Variants in SLIT3 observed in about 807,000 individuals in gnomAD.
SLIT3 encodes slit guidance ligand 3, also known as slit homolog 3 protein.
Under a neutral mutation model 184.0 loss-of-function variants are expected in SLIT3, and 68 were observed. The ratio of observed to expected loss-of-function variants is 0.37; its 90% confidence interval spans 0.30 to 0.45. SLIT3 has a LOEUF of 0.45. SLIT3 is among the 20% of genes least tolerant of loss of function. The pLI is 1.00. For synonymous variants in SLIT3, 831 were observed against 828.6 expected, an observed-to-expected ratio of 1.00 and a Z score of -0.05; for missense variants, 1,707 against 2,026.0, an observed-to-expected ratio of 0.84 and a Z score of 3.02.
intron 4 of SLIT3, among the ~76,000 whole-genome samples, chr5:169,009,025 T>G (rs1470449362): frequency 6.6e-6 from 1 of 152,164 alleles, no homozygotes. Context: ...GGGCTGGGAT[T>G]TGAACCAAGG....
intron 4 of SLIT3, among the ~76,000 whole-genome samples, chr5:169,009,088 A>AG (rs1271450420): frequency 1.5e-5 from 2 of 137,624 alleles, no homozygotes; most frequent in Non-Finnish European, 3.0e-5. Context: ...CCAAAATTAC[A>AG]ATTTTTTTTT....
intron 4 of SLIT3, among the ~76,000 whole-genome samples, chr5:169,175,290 A>T (rs1762945926): frequency 6.6e-6 from 1 of 152,192 alleles, no homozygotes; most frequent in Non-Finnish European, 1.5e-5. Context: ...AGGCTTAGAA[A>T]AACAAAATTA....
chr5:169,262,808 G>C (rs990358590), intron 1 of SLIT3, among the ~76,000 whole-genome samples: 5 of 152,274 alleles, frequency 3.3e-5, no homozygotes, highest in African/African-American at 9.6e-5. Flanking sequence ...CACTTCATTG[G>C]CACATATGTT....
chr5:169,195,645 G>A (rs1763717209), intron 3 of SLIT3, among the ~76,000 whole-genome samples: 1 of 152,038 alleles, frequency 6.6e-6, no homozygotes, highest in African/African-American at 2.4e-5. Flanking sequence ...CCCCACCTCC[G>A]CCTACCGAGT....
At chr5:169,015,950 AC>A (rs1756350149) in intron 4 of SLIT3, among the ~76,000 whole-genome samples, 1 of 131,666 alleles carries the variant, frequency 7.6e-6, no homozygotes, top group Non-Finnish European at 1.6e-5. Context: ...ACACACACAC[AC>A]ACACACACAC....
At position 168,685,937 on chromosome 5, in the gene SLIT3, A is replaced by G. The variant is rs746610785; in HGVS notation, c.3315-10T>C. The stretch of plus-strand genomic sequence containing the variant: ...TTCACAGAAGGGTCCACTGGAAGGC[A>G]GGAGAGAATGGGGAGGGAGATAGGA... On this transcript the variant is annotated splice_polypyrimidine_tract_variant and intron_variant, in intron 30 of 35. Coordinates refer to ENST00000519560, the MANE Select transcript of SLIT3 (RefSeq NM_003062.4). 1 of 1,600,778 alleles carries G rather than the reference A, an allele frequency of 6.2e-7. No homozygotes were observed. The highest frequency in any genetic ancestry group is 8.5e-7 in the Non-Finnish European group (1 of 1,172,176).
chr5:169,194,123 T>A (rs191210961), intron 3 of SLIT3, among the ~76,000 whole-genome samples: 1 of 149,800 alleles, frequency 6.7e-6, no homozygotes, highest in Admixed American at 6.7e-5. Flanking sequence ...TAGTCCCAGC[T>A]ACTTGGGAGG....
chr5:168,883,187 T>A (rs1760021328), intron 5 of SLIT3, 78 bp downstream of exon 5: 2 of 1,165,022 alleles, frequency 1.7e-6, no homozygotes, highest in Non-Finnish European at 2.6e-6. Flanking sequence ...CACCCTCTTG[T>A]CCCATCCCTC....
intron 4 of SLIT3, chr5:169,017,944 A>G (rs963043884): frequency 2.0e-5 from 3 of 152,232 alleles, no homozygotes; most frequent in African/African-American, 7.2e-5. Flanking sequence ...ACAGGCTGGT[A>G]AGATTGCTAG....
intron 4 of SLIT3, among the ~76,000 whole-genome samples, chr5:168,950,963 G>T (rs1324662237): frequency 1.3e-5 from 2 of 152,220 alleles, no homozygotes; most frequent in African/African-American, 4.8e-5. Context: ...GCTCATGCCT[G>T]TAATCCCAGC....
intron 4 of SLIT3, among the ~76,000 whole-genome samples, chr5:169,132,979 C>T (rs1211245348): frequency 6.6e-6 from 1 of 152,150 alleles, no homozygotes; most frequent in African/African-American, 2.4e-5. Flanking sequence ...TCCTATTCTA[C>T]TCTCACAATG....
At chr5:169,142,612 G>C (rs902530733) in intron 4 of SLIT3, among the ~76,000 whole-genome samples, 2 of 152,186 alleles carry the variant, frequency 1.3e-5, no homozygotes, top group Admixed American at 1.3e-4. Context: ...TTGCATGGCT[G>C]GCCAAGCTGG....
intron 4 of SLIT3, among the ~76,000 whole-genome samples, chr5:168,902,062 T>C (rs1024165576): frequency 3.3e-5 from 5 of 152,282 alleles, no homozygotes; most frequent in Middle Eastern, 3.4e-3. Context: ...CAGCTAACTT[T>C]TGTATTTTTA....
intron 2 of SLIT3, 77 bp from the exon 3 acceptor site, chr5:169,244,853 G>T: frequency 1.6e-6 from 2 of 1,260,176 alleles, no homozygotes; most frequent in Non-Finnish European, 2.3e-6. Context: ...ATGCCATGCA[G>T]GCATGGTCAC....
intron 5 of SLIT3, among the ~76,000 whole-genome samples, chr5:168,882,404 CAA>C (rs1377628647): frequency 6.6e-6 from 1 of 152,156 alleles, no homozygotes; most frequent in African/African-American, 2.4e-5. Context: ...AGGAAATCGT[CAA>C]AGTTCAAAAA....
At chr5:169,098,361 A>G (rs946381943) in intron 4 of SLIT3, among the ~76,000 whole-genome samples, 8 of 152,138 alleles carry the variant, frequency 5.3e-5, no homozygotes, top group Non-Finnish European at 1.0e-4. Context: ...TCATAAGCAC[A>G]TTTTTGGCCT....
intron 5 of SLIT3, among the ~76,000 whole-genome samples, chr5:168,858,071 T>G (rs1211792586): frequency 6.6e-6 from 1 of 152,224 alleles, no homozygotes; most frequent in Non-Finnish European, 1.5e-5. Context: ...GAAACAGCTT[T>G]TAAGGAGCAT....
At chr5:169,113,451 TATCC>T (rs1257298255) in intron 4 of SLIT3, among the ~76,000 whole-genome samples, 1 of 152,198 alleles carries the variant, frequency 6.6e-6, no homozygotes, top group East Asian at 1.9e-4. Context: ...ACATTCGGTT[TATCC>T]ATCCATCCAC....
chr5:169,008,422 G>T, intron 4 of SLIT3, among the ~76,000 whole-genome samples: 1 of 152,284 alleles, frequency 6.6e-6, no homozygotes. Flanking sequence ...CAGGGGTTTG[G>T]AGAAGAGGCC....
Sources: gnomAD v4.1 joint callset for allele counts (sites outside exome capture counted in the v4.1 genomes callset) on GRCh38, gnomAD v4.1.1 for gene constraint, MANE v1.5 for transcripts, NCBI Gene and HGNC (gene_info 2026-07-23, HGNC 2026-07-21) for gene names.